NKAIN2: variants seen among roughly 807,000 people sequenced by gnomAD.
NKAIN2 encodes the protein sodium/potassium-transporting ATPase subunit beta-1-interacting protein 2.
Under a neutral mutation model 32.6 loss-of-function variants are expected in NKAIN2, and 14 were observed. The observed-to-expected ratio is 0.43, with a 90% CI of 0.28 to 0.67. The LOEUF is 0.67. Among genes scored for constraint, NKAIN2 ranks in the 30% least tolerant of loss-of-function variants. The pLI, the probability that NKAIN2 is intolerant of heterozygous loss-of-function variation, is 0.17. For synonymous variants in NKAIN2, 80 were observed against 87.2 expected, an observed-to-expected ratio of 0.92 and a Z score of 0.46; for missense variants, 198 against 258.3, an observed-to-expected ratio of 0.77 and a Z score of 1.60.
At chr6:124,659,513 G>T (rs1164165306) in intron 4 of NKAIN2, among the ~76,000 whole-genome samples, 2 of 151,862 alleles carry the variant, frequency 1.3e-5, no homozygotes, top group Non-Finnish European at 2.9e-5. Flanking sequence ...GTGTGTGTGT[G>T]TGTGTTGTGA....
rs531248777 is a variant in NKAIN2, at chr6:124,378,953, A to G, written c.273+23606A>G. On this transcript the variant is annotated intron_variant, in intron 3 of 6. Transcript: ENST00000368417. ...CATTTTTTTTTTTTAATAGCTGGGC[A>G]TGGTGGTGCAAACCTCTGGTACCAG... Among the ~76,000 whole-genome samples, 333 of 148,574 alleles carry G rather than the reference A, an allele frequency of 2.2e-3. 3 individuals carry two copies. Among genetic ancestry groups the G allele is most frequent in the African/African-American group, 8.0e-3 (323 of 40,196 alleles).
At chr6:124,104,492 G>A (rs234467) in intron 1 of NKAIN2, among the ~76,000 whole-genome samples, 53,758 of 151,924 alleles carry the variant, frequency 0.35, 11,788 homozygotes, top group Non-Finnish European at 0.49. Context: ...TGGGTTAGGG[G>A]ATTATGGACT....
intron 1 of NKAIN2, among the ~76,000 whole-genome samples, chr6:123,849,722 G>T (rs1355348063): frequency 1.3e-4 from 20 of 152,096 alleles, no homozygotes; most frequent in Admixed American, 1.3e-3. Context: ...GGTAATATGG[G>T]CAGGGTGGCC....
intron 3 of NKAIN2, among the ~76,000 whole-genome samples, chr6:124,651,064 G>C (rs1021905003): frequency 2.0e-5 from 3 of 152,146 alleles, no homozygotes; most frequent in Non-Finnish European, 4.4e-5. Context: ...AAGAAAAGAG[G>C]GGTGACTTGT....
chr6:124,030,055 A>G (rs2114783999), intron 1 of NKAIN2, among the ~76,000 whole-genome samples: 1 of 152,022 alleles, frequency 6.6e-6, no homozygotes, highest in African/African-American at 2.4e-5. Context: ...CAAACAAACA[A>G]ACAAACAAAA....
intron 3 of NKAIN2, among the ~76,000 whole-genome samples, chr6:124,446,738 A>G (rs1230931320): frequency 6.6e-6 from 1 of 152,122 alleles, no homozygotes. Flanking sequence ...GTGGCATCTC[A>G]TTACTATGTA....
At chr6:124,234,587 T>G (rs1421250162) in intron 1 of NKAIN2, among the ~76,000 whole-genome samples, 1 of 152,148 alleles carries the variant, frequency 6.6e-6, no homozygotes, top group Non-Finnish European at 1.5e-5. Flanking sequence ...CACCATACTA[T>G]ATAGGATTTA....
At chr6:124,059,136 T>A (rs748484712) in intron 1 of NKAIN2, among the ~76,000 whole-genome samples, 16 of 152,006 alleles carry the variant, frequency 1.1e-4, no homozygotes, top group Non-Finnish European at 1.5e-4. Flanking sequence ...TTTGTGCAAA[T>A]GACTGCAACT....
chr6:124,086,811 C>G (rs1008368717), intron 1 of NKAIN2, among the ~76,000 whole-genome samples: 1 of 151,868 alleles, frequency 6.6e-6, no homozygotes, highest in Non-Finnish European at 1.5e-5. Context: ...AAACAGAAAG[C>G]ACCAGGCCAT....
chr6:124,420,878 A>T (rs1774715542), intron 3 of NKAIN2, among the ~76,000 whole-genome samples: 1 of 151,950 alleles, frequency 6.6e-6, no homozygotes, highest in African/African-American at 2.4e-5. Context: ...CTACTCACTC[A>T]CTAGGACGAG....
chr6:123,848,858 C>T (rs1402307699), intron 1 of NKAIN2, among the ~76,000 whole-genome samples: 1 of 152,186 alleles, frequency 6.6e-6, no homozygotes, highest in Non-Finnish European at 1.5e-5. Flanking sequence ...AAAAACACAG[C>T]ATGTCTGCCA....
chr6:124,427,485 T>A (rs1190404414), intron 3 of NKAIN2, among the ~76,000 whole-genome samples: 1 of 152,232 alleles, frequency 6.6e-6, no homozygotes, highest in Non-Finnish European at 1.5e-5. Flanking sequence ...ATGTTAATTA[T>A]ACCTCAGTAA....
rs1006756549 is a variant in NKAIN2, at chr6:124,134,725, G to A, written c.55-148280G>A. ...AAAAGTTTGGTAAACTTATTTGAGGGAATAATTGAGGAAAACTTCCCTGGC... is the reference window on the plus strand; with the variant it reads ...AAAAGTTTGGTAAACTTATTTGAGGAAATAATTGAGGAAAACTTCCCTGGC... On this transcript the variant is annotated intron_variant, in intron 1 of 6. Transcript: ENST00000368417. 3.9e-5 allele frequency among the ~76,000 whole-genome samples: 6 copies of A among 152,096 alleles called. No individual in the cohort carries two copies. The South Asian group carries it at 1.0e-3, about 26-fold the overall frequency.
intron 3 of NKAIN2, among the ~76,000 whole-genome samples, chr6:124,408,115 G>A (rs1192400391): frequency 6.6e-6 from 1 of 152,072 alleles, no homozygotes; most frequent in Non-Finnish European, 1.5e-5. Context: ...CAGATGAGTA[G>A]ATTGCGAAAA....
chr6:124,748,035 GA>G (rs372135307), intron 4 of NKAIN2, among the ~76,000 whole-genome samples: 7 of 151,936 alleles, frequency 4.6e-5, no homozygotes, highest in African/African-American at 9.6e-5. Context: ...ATAAGAAGAT[GA>G]AAAAACTAAG....
intron 2 of NKAIN2, among the ~76,000 whole-genome samples, chr6:124,340,802 C>T (rs73770414): frequency 0.015 from 2,299 of 152,104 alleles, 66 homozygotes; most frequent in East Asian, 0.11. Flanking sequence ...TGTTTAAAGA[C>T]GCTTCAGTGG....
At chr6:124,128,176 T>A (rs1474560967) in intron 1 of NKAIN2, among the ~76,000 whole-genome samples, 2 of 152,004 alleles carry the variant, frequency 1.3e-5, no homozygotes, top group African/African-American at 4.8e-5. Context: ...TGACAGTCAT[T>A]TTTCTCCTAA....
intron 3 of NKAIN2, among the ~76,000 whole-genome samples, chr6:124,451,063 C>G (rs190452498): frequency 2.6e-5 from 4 of 151,968 alleles, no homozygotes; most frequent in African/African-American, 9.7e-5. Context: ...AATAATGGAA[C>G]CTTTTAGCCC....
At chr6:124,207,228 G>T (rs1790938990) in intron 1 of NKAIN2, among the ~76,000 whole-genome samples, 1 of 151,450 alleles carries the variant, frequency 6.6e-6, no homozygotes, top group African/African-American at 2.4e-5. Flanking sequence ...GTAGTTTGAT[G>T]CTACAGTGAA....
Sources: gnomAD v4.1 joint callset for allele counts (sites outside exome capture counted in the v4.1 genomes callset) on GRCh38, gnomAD v4.1.1 for gene constraint, MANE v1.5 for transcripts, NCBI Gene and HGNC (gene_info 2026-07-23, HGNC 2026-07-21) for gene names.